Variants in MAP3K7 observed in about 807,000 individuals in gnomAD.
MAP3K7 encodes TGF-beta activated kinase 1.
MAP3K7 carries 21 observed loss-of-function variants against 84.8 expected under a neutral mutation model. The ratio of observed to expected loss-of-function variants is 0.25; its 90% CI spans 0.18 to 0.36. The LOEUF is 0.36. MAP3K7 is among the 10% of genes least tolerant of loss of function. The pLI, the probability that MAP3K7 is intolerant of heterozygous loss-of-function variation, is 1.00. For missense variants in MAP3K7, 503 were observed against 747.7 expected (o/e 0.67, Z 3.82); for synonymous variants, 241 against 247.7 (o/e 0.97, Z 0.25).
chr6:90,539,084 A>C (rs898954453), intron 12 of MAP3K7, among the ~76,000 whole-genome samples: 4 of 151,962 alleles, frequency 2.6e-5, no homozygotes, highest in African/African-American at 9.7e-5. Flanking sequence ...CACTAGCATT[A>C]CATTACTGCT....
rs34817222 is a variant in MAP3K7, at chr6:90,518,633, A to G, written c.1525-71T>C. 1.7e-3 allele frequency: 1,299 copies of G among 781,528 alleles called. 14 individuals carry two copies. The African/African-American group carries it at 0.02, about 12-fold the overall frequency. 48.4% of individuals were successfully genotyped at this position (781,528 alleles called of 1,614,324 possible). On this transcript the variant is annotated intron_variant, in intron 15 of 16. Transcript: ENST00000369329. ...ATATCTAGCTAAGATGAGAGTCAAGACAGAGACTGTGATATATTTTTATAG... is the reference window on the plus strand; with the variant it reads ...ATATCTAGCTAAGATGAGAGTCAAGGCAGAGACTGTGATATATTTTTATAG...
At chr6:90,566,389 A>G (rs961383431) in intron 3 of MAP3K7, among the ~76,000 whole-genome samples, 2 of 152,208 alleles carry the variant, frequency 1.3e-5, no homozygotes, top group Non-Finnish European at 2.9e-5. Flanking sequence ...TTAATGTGCA[A>G]AAATCACAAG....
Position 90,561,607 on chromosome 6 carries a change from T to C in MAP3K7, c.343+15A>G, listed in dbSNP as rs761128078. The C allele has an allele frequency of 6.3e-7, 1 of 1,594,366 alleles. No homozygotes were observed. Among genetic ancestry groups the C allele is most frequent in the South Asian group, 1.1e-5 (1 of 90,202 alleles). On this transcript the variant is annotated intron_variant, in intron 4 of 16. Coordinates refer to ENST00000369329, the MANE Select transcript of MAP3K7 (RefSeq NM_145331.3). ...TTTTAATCCACTAGATAAAGACAGGTCTAATGACACTCACCATTATATAAA... is the reference window on the plus strand; with the variant it reads ...TTTTAATCCACTAGATAAAGACAGGCCTAATGACACTCACCATTATATAAA...
intron 1 of MAP3K7, among the ~76,000 whole-genome samples, chr6:90,578,896 T>C (rs1777174412): frequency 6.6e-6 from 1 of 152,204 alleles, no homozygotes. Context: ...TATTTAACAA[T>C]ATATTACAAC....
At chr6:90,550,738 G>T in intron 8 of MAP3K7, 189 bp from the exon 9 acceptor site, 1 of 453,566 alleles carries the variant, frequency 2.2e-6, no homozygotes. Context: ...TAAGAATCTA[G>T]CTTACATTGG....
chr6:90,558,659 T>G (rs756207824), intron 5 of MAP3K7, among the ~76,000 whole-genome samples: 1 of 152,212 alleles, frequency 6.6e-6, no homozygotes, highest in Non-Finnish European at 1.5e-5. Context: ...GTTGATTAAA[T>G]AAACCTAAAA....
intron 14 of MAP3K7, among the ~76,000 whole-genome samples, chr6:90,523,432 C>G (rs1775218592): frequency 6.6e-6 from 1 of 151,048 alleles, no homozygotes; most frequent in Non-Finnish European, 1.5e-5. Context: ...GGAAAAAAAC[C>G]CCAAACAGAC....
intron 1 of MAP3K7, among the ~76,000 whole-genome samples, chr6:90,582,203 T>A (rs1777294745): frequency 6.6e-6 from 1 of 152,236 alleles, no homozygotes; most frequent in Non-Finnish European, 1.5e-5. Context: ...CTGCTAACTA[T>A]AATAGAGTCG....
In MAP3K7 at chr6:90,528,170, G is replaced by A. The variant is rs1259496855; in HGVS notation, c.1357-4387C>T. Among the ~76,000 whole-genome samples the A allele has an allele frequency of 2.9e-4, 4 of 13,714 alleles. 1 individual carries two copies. Among genetic ancestry groups the A allele is most frequent in the Admixed American group, 4.9e-4 (1 of 2,022 alleles). 9.0% of individuals were successfully genotyped at this position (13,714 alleles called of 152,430 possible). ...TGGGATTACAGGCGTGAGCCACCGC[G>A]CCCGGCCTCATAAGGACTTTTTAAA... On this transcript the variant is annotated intron_variant, in intron 13 of 16. Coordinates refer to ENST00000369329, the MANE Select transcript of MAP3K7 (RefSeq NM_145331.3).
chr6:90,568,773 C>G, intron 2 of MAP3K7, 150 bp from the exon 3 acceptor site: 1 of 590,848 alleles, frequency 1.7e-6, no homozygotes, highest in Non-Finnish European at 2.9e-6. Flanking sequence ...CAATCATAGT[C>G]ACTGAAAATA....
chr6:90,566,750 G>A (rs1007143385), intron 3 of MAP3K7, among the ~76,000 whole-genome samples: 1 of 152,118 alleles, frequency 6.6e-6, no homozygotes, highest in Non-Finnish European at 1.5e-5. Flanking sequence ...AGCCCACATT[G>A]CCAAGACAAT....
chr6:90,553,127 G>A (rs1485209826), intron 7 of MAP3K7, among the ~76,000 whole-genome samples: 2 of 152,154 alleles, frequency 1.3e-5, no homozygotes, highest in South Asian at 4.1e-4. Flanking sequence ...TTTTATGTAT[G>A]TATTTTTTTA....
intron 15 of MAP3K7, 93 bp from the exon 16 acceptor site, chr6:90,518,655 A>T: frequency 1.4e-6 from 1 of 702,604 alleles, no homozygotes; most frequent in South Asian, 1.6e-5. Context: ...ATATATTTTT[A>T]TAGCACTAAA....
chr6:90,552,715 T>C (rs1776219250), intron 7 of MAP3K7, among the ~76,000 whole-genome samples: 1 of 152,206 alleles, frequency 6.6e-6, no homozygotes, highest in Admixed American at 6.5e-5. Flanking sequence ...CAAGCAAATG[T>C]AAAGTAACTT....
intron 3 of MAP3K7, among the ~76,000 whole-genome samples, chr6:90,567,897 G>C (rs936740132): frequency 6.6e-6 from 1 of 152,224 alleles, no homozygotes; most frequent in East Asian, 1.9e-4. Flanking sequence ...AAAAGGATGA[G>C]TTCATGTCCT....
In MAP3K7 at chr6:90,578,983, C is replaced by G. The variant is rs555297944; in HGVS notation, c.121-7176G>C. Among the ~76,000 whole-genome samples, 4 of 151,972 alleles carry G rather than the reference C, an allele frequency of 2.6e-5. No individual in the cohort carries two copies. The South Asian group carries it at 8.3e-4, about 32-fold the overall frequency. On this transcript the variant is annotated intron_variant, in intron 1 of 16. Transcript: ENST00000369329. ...CCATGAATATATAGGATTTTTTATTCCTACCTTAGAGAGAAGAAAACCAAG... is the reference window on the plus strand; with the variant it reads ...CCATGAATATATAGGATTTTTTATTGCTACCTTAGAGAGAAGAAAACCAAG...
chr6:90,562,922 T>A (rs1776575300), intron 3 of MAP3K7, among the ~76,000 whole-genome samples: 1 of 152,178 alleles, frequency 6.6e-6, no homozygotes. Context: ...CTGCAGTATT[T>A]GCTGTTCTGC....
chr6:90,578,491 T>G (rs1582243757), intron 1 of MAP3K7, among the ~76,000 whole-genome samples: 1 of 152,292 alleles, frequency 6.6e-6, no homozygotes, highest in South Asian at 2.1e-4. Context: ...TCCAGGCTGG[T>G]CTTGAACTCC....
At chr6:90,542,381 A>G in intron 12 of MAP3K7, 1 of 983,538 alleles carries the variant, frequency 1.0e-6, no homozygotes, top group Non-Finnish European at 1.2e-6. Flanking sequence ...TAAAAAGAAT[A>G]TTTAATAAAA....
Sources: allele counts gnomAD v4.1 joint callset (sites outside exome capture counted in the v4.1 genomes callset), GRCh38; gene constraint gnomAD v4.1.1; transcripts MANE v1.5; gene names NCBI Gene and HGNC (gene_info 2026-07-23, HGNC 2026-07-21).